KCNH7: variants seen among roughly 807,000 people sequenced by gnomAD.
KCNH7 encodes potassium voltage-gated channel subfamily H member 7.
KCNH7 carries 49 observed loss-of-function variants against 120.8 expected under a neutral mutation model. The ratio of observed to expected loss-of-function variants is 0.41; its 90% CI spans 0.32 to 0.51. KCNH7 has a LOEUF of 0.51. Among genes scored for constraint, KCNH7 ranks in the 20% least tolerant of loss-of-function variants. KCNH7 has a pLI of 0.38. For synonymous variants in KCNH7, 547 were observed against 516.1 expected (o/e 1.06, Z -0.81); for missense variants, 1,097 against 1,446.6 (o/e 0.76, Z 3.92).
intron 2 of KCNH7, among the ~76,000 whole-genome samples, chr2:162,808,493 A>G (rs1288087498): frequency 6.6e-6 from 1 of 152,204 alleles, no homozygotes; most frequent in East Asian, 1.9e-4. Context: ...CATACTATAT[A>G]GTCTGTTCAA....
chr2:162,386,087 G>T (rs542582534), intron 12 of KCNH7, among the ~76,000 whole-genome samples: 123 of 151,918 alleles, frequency 8.1e-4, no homozygotes, highest in South Asian at 2.3e-3. Context: ...TTTTCTTTAA[G>T]ATTTCACACT....
At position 162,489,366 on chromosome 2, in the gene KCNH7, C is replaced by T. The variant is rs377273474; in HGVS notation, c.1128+15077G>A. Among the ~76,000 whole-genome samples, 118 of 151,774 alleles carry T rather than the reference C, an allele frequency of 7.8e-4. 2 individuals carry two copies. The East Asian group carries it at 0.016, about 20-fold the overall frequency. ...TAAGTACACTAACACTAATGATAGC[C>T]GATGAGCTAAAAAAAAAATGCAAAA... On this transcript the variant is annotated intron_variant, in intron 6 of 15. Transcript: ENST00000332142.
chr2:162,423,656 A>C, intron 8 of KCNH7, 121 bp from the exon 9 acceptor site: 1 of 862,988 alleles, frequency 1.2e-6, no homozygotes, highest in Non-Finnish European at 1.7e-6. Flanking sequence ...CCATTGGATC[A>C]CGGGGAAAAA....
chr2:162,741,042 C>A (rs1244056296), intron 2 of KCNH7, among the ~76,000 whole-genome samples: 2 of 152,106 alleles, frequency 1.3e-5, no homozygotes, highest in Non-Finnish European at 2.9e-5. Context: ...TTCAGAAATA[C>A]ATGATAATTG....
chr2:162,380,097 A>G lies in KCNH7; in HGVS notation c.2963-76T>C. On this transcript the variant is annotated intron_variant, in intron 13 of 15. Transcript: ENST00000332142. The stretch of plus-strand genomic sequence containing the variant: ...TCAATAATTCATAGATATCCACAAG[A>G]CAAGCTGGAAAGGATCGGAGTATAA... 4.6e-6 allele frequency: 7 copies of G among 1,524,574 alleles called. No homozygotes were observed. In the East Asian group the frequency reaches 1.4e-4, roughly 30 times the overall value. The allele number at this position is 1,524,574 out of a possible 1,614,324, so 94.4% of individuals were successfully genotyped here. A position where few individuals can be genotyped will look rare whatever the true frequency, so the allele number is the denominator to read the frequency against.
chr2:162,755,007 T>TA (rs1442738396), intron 2 of KCNH7, among the ~76,000 whole-genome samples: 1 of 147,212 alleles, frequency 6.8e-6, no homozygotes, highest in Non-Finnish European at 1.5e-5. Flanking sequence ...TTCCCAGAAA[T>TA]ACAAAGCTTC....
intron 5 of KCNH7, among the ~76,000 whole-genome samples, chr2:162,504,961 T>C (rs2105754781): frequency 6.6e-6 from 1 of 152,178 alleles, no homozygotes; most frequent in Non-Finnish European, 1.5e-5. Context: ...TCTCTGTTAC[T>C]GGTCAAATTC....
At chr2:162,447,496 G>A (rs959808586) in intron 6 of KCNH7, among the ~76,000 whole-genome samples, 5 of 152,012 alleles carry the variant, frequency 3.3e-5, no homozygotes, top group African/African-American at 1.2e-4. Flanking sequence ...ATTTAAAAAG[G>A]GAAATGTGGG....
chr2:162,834,958 G>A (rs575842944), intron 2 of KCNH7, among the ~76,000 whole-genome samples: 14 of 152,114 alleles, frequency 9.2e-5, no homozygotes, highest in African/African-American at 3.1e-4. Flanking sequence ...GACTGTGTTG[G>A]CATCATAATA....
intron 9 of KCNH7, among the ~76,000 whole-genome samples, chr2:162,404,680 C>T (rs540841076): frequency 3.5e-4 from 53 of 152,026 alleles, no homozygotes; most frequent in African/African-American, 9.4e-4. Flanking sequence ...CTGCAGGAGC[C>T]GAGCAGATGC....
chr2:162,395,218 A>ATTG (rs1686876098), intron 11 of KCNH7, among the ~76,000 whole-genome samples: 1 of 151,816 alleles, frequency 6.6e-6, no homozygotes, highest in Non-Finnish European at 1.5e-5. Context: ...CAACTATACA[A>ATTG]GGATTGGTGT....
Position 162,518,129 on chromosome 2 carries a change from G to C in KCNH7, c.493C>G (p.Leu165Val). ...TGCTTTCTGTAAGTGAGAACTCTCA[G>C]ACCAGGGAATTTGAACCCAAAAAAT... ...RKFFGFKFPG[L>V]RVLTYRKQSL... is the part of the protein sequence containing the mutation. The change falls in exon 4 of 16, where the codon CTG becomes GTG. Residue 165 changes from leucine to valine, a missense_variant. By Grantham distance (32) the Leu-to-Val change is conservative. Around this residue, in one of 8 missense-constraint regions of KCNH7, gnomAD observed 362 missense variants for 372.2 expected, o/e 0.97. Coordinates refer to ENST00000332142, the MANE Select transcript of KCNH7 (RefSeq NM_033272.4). 6.2e-7 allele frequency: 1 copy of C among 1,610,158 alleles called. No individual in the cohort carries two copies. Among genetic ancestry groups the C allele is most frequent in the Non-Finnish European group, 8.5e-7 (1 of 1,177,576 alleles).
chr2:162,376,405 G>T (rs367892980), intron 14 of KCNH7, among the ~76,000 whole-genome samples: 1 of 147,266 alleles, frequency 6.8e-6, no homozygotes, highest in Non-Finnish European at 1.5e-5. Flanking sequence ...TTGCTCTGTC[G>T]CCCAGGCTGG....
Position 162,757,411 on chromosome 2 carries a change from A to T in KCNH7, c.307+79126T>A, listed in dbSNP as rs1490405398. On this transcript the variant is annotated intron_variant, in intron 2 of 15. Transcript: ENST00000332142. ...ATTTAATGAATTTTTCCCTTTTCAA[A>T]ATTGCAGTCTTAATCAGATTCCTGA... 1.3e-5 allele frequency among the ~76,000 whole-genome samples: 2 copies of T among 152,120 alleles called. 1 individual carries two copies. The highest frequency in any genetic ancestry group is 6.3e-3 in the Middle Eastern group (2 of 316).
chr2:162,626,768 G>C (rs1683575771), intron 2 of KCNH7, among the ~76,000 whole-genome samples: 1 of 152,062 alleles, frequency 6.6e-6, no homozygotes, highest in Admixed American at 6.6e-5. Context: ...TAATAACTGA[G>C]CCTGTATAAC....
chr2:162,372,251 G>A (rs368729924), intron 15 of KCNH7, among the ~76,000 whole-genome samples, 156 bp from the exon 16 acceptor site: 9 of 152,112 alleles, frequency 5.9e-5, no homozygotes, highest in Admixed American at 1.3e-4. Flanking sequence ...GAGTCAGGAC[G>A]TCGGAGATTG....
chr2:162,580,564 G>A (rs10930059), intron 2 of KCNH7, among the ~76,000 whole-genome samples: 6,678 of 152,116 alleles, frequency 0.044, 295 homozygotes, highest in East Asian at 0.11. Context: ...AATTTTGTTT[G>A]ATGCAACTCA....
intron 2 of KCNH7, among the ~76,000 whole-genome samples, chr2:162,655,582 CGAGA>C (rs1559066813): frequency 6.6e-6 from 1 of 151,702 alleles, no homozygotes; most frequent in Non-Finnish European, 1.5e-5. Flanking sequence ...GTCAAGAGAT[CGAGA>C]CCATCCTGGC....
At chr2:162,720,706 T>C (rs1341762539) in intron 2 of KCNH7, among the ~76,000 whole-genome samples, 2 of 152,072 alleles carry the variant, frequency 1.3e-5, no homozygotes, top group African/African-American at 2.4e-5. Flanking sequence ...ATTAGTGTAG[T>C]TCTGACCTGA....
Sources: allele counts gnomAD v4.1 joint callset (sites outside exome capture counted in the v4.1 genomes callset), GRCh38; gene constraint gnomAD v4.1.1; regional missense constraint gnomAD v4.1.1; transcripts MANE v1.5; gene names NCBI Gene and HGNC (gene_info 2026-07-23, HGNC 2026-07-21).